The following HIPK1 variants were observed in gnomAD, a reference collection of about 807,000 sequenced individuals.
HIPK1 encodes homeodomain-interacting protein kinase 1.
A neutral mutation model predicts 117.1 loss-of-function variants in HIPK1; 28 were observed. The observed-to-expected ratio is 0.24, with a 90% CI of 0.18 to 0.33. The LOEUF (loss-of-function observed/expected upper bound fraction) is 0.33. Ranked by LOEUF, HIPK1 falls within the 10% of genes least tolerant of loss-of-function variation. HIPK1 has a pLI of 1.00. For synonymous variants in HIPK1, 605 were observed against 562.5 expected (o/e 1.08, Z -1.07); for missense variants, 1,122 against 1,475.1 (o/e 0.76, Z 3.92).
chr1:113,968,515 T>A lies in HIPK1; in HGVS notation c.2638T>A (p.Tyr880Asn). ...CAGTCCCCTCCGCACCACATCTTCTTATAATTCCTTGGTCCCTGTCCAAGA... is the reference window on the plus strand; with the variant it reads ...CAGTCCCCTCCGCACCACATCTTCTAATAATTCCTTGGTCCCTGTCCAAGA... The part of the protein sequence containing the change: ...GSSPLRTTSS[Y>N]NSLVPVQDQH... Residue 880 changes from tyrosine to asparagine, a missense_variant, in exon 13 of 16, where the codon TAT (tyrosine) becomes AAT (asparagine). This residue lies in a region of HIPK1 where 731 missense variants were observed against 860.4 expected (regional missense o/e 0.85). Transcript: ENST00000426820. 1.9e-6 allele frequency: 3 copies of A among 1,614,118 alleles called. No homozygotes were observed. The highest frequency in any genetic ancestry group is 2.5e-6 in the Non-Finnish European group (3 of 1,179,950).
At chr1:113,971,328 C>T (rs1672808573) in intron 14 of HIPK1, among the ~76,000 whole-genome samples, 1 of 152,208 alleles carries the variant, frequency 6.6e-6, no homozygotes, top group Non-Finnish European at 1.5e-5. Flanking sequence ...AACACAGAAG[C>T]AAGCAAAATT....
intron 1 of HIPK1, among the ~76,000 whole-genome samples, chr1:113,931,206 ACTATTACTAGC>A (rs1669874112): frequency 6.6e-6 from 1 of 150,564 alleles, no homozygotes; most frequent in Non-Finnish European, 1.5e-5. Context: ...GAGAATGCAA[ACTATTACTAGC>A]TTTTTTCATA....
intron 8 of HIPK1, among the ~76,000 whole-genome samples, chr1:113,961,100 A>G (rs1030525601): frequency 3.3e-5 from 5 of 152,232 alleles, no homozygotes; most frequent in African/African-American, 1.2e-4. Flanking sequence ...GCAAGTTTCG[A>G]TAAAGTACAG....
intron 2 of HIPK1, among the ~76,000 whole-genome samples, chr1:113,947,770 AG>A (rs1195504998): frequency 1.3e-5 from 2 of 152,326 alleles, no homozygotes; most frequent in East Asian, 1.9e-4. Flanking sequence ...TTGTTTTTTA[AG>A]GATGGGATGT....
At chr1:113,966,094 C>G in intron 10 of HIPK1, 36 bp from the exon 11 acceptor site, 1 of 1,580,842 alleles carries the variant, frequency 6.3e-7, no homozygotes, top group Non-Finnish European at 8.6e-7. Flanking sequence ...AAGAATGAAT[C>G]AAGTCTGGAT....
rs544409801 is a variant in HIPK1, at chr1:113,971,858, A to C, written c.3048A>C (p.Ser1016=). Residue 1016 remains serine (S), a synonymous_variant, in exon 15 of 16, where the codon TCA becomes TCC. Coordinates refer to ENST00000426820, the MANE Select transcript of HIPK1 (RefSeq NM_198268.3). The part of the protein sequence containing the change: ...LLSNKTKPVA[S]VSGQSSGCCI... Reference sequence around the variant, plus strand: ...GCAATAAGACTAAGCCAGTCGCTTCAGTGAGTGGGCAGTCATCTGGATGCT... The same window carrying C: ...GCAATAAGACTAAGCCAGTCGCTTCCGTGAGTGGGCAGTCATCTGGATGCT... 6.3e-7 allele frequency: 1 copy of C among 1,599,206 alleles called. No individual in the cohort carries two copies. Among genetic ancestry groups the C allele is most frequent in the Non-Finnish European group, 8.5e-7 (1 of 1,175,414 alleles).
chr1:113,937,452 G>T (rs1276133784), intron 1 of HIPK1, among the ~76,000 whole-genome samples: 1 of 151,960 alleles, frequency 6.6e-6, no homozygotes, highest in Non-Finnish European at 1.5e-5. Context: ...AGATAAAAAG[G>T]AGGGAAGACA....
chr1:113,946,313 C>G (rs1670991326), intron 2 of HIPK1, among the ~76,000 whole-genome samples: 1 of 152,166 alleles, frequency 6.6e-6, no homozygotes, highest in Non-Finnish European at 1.5e-5. Flanking sequence ...GAGGGCTGAT[C>G]AGCTCTTCCT....
intron 10 of HIPK1, among the ~76,000 whole-genome samples, chr1:113,964,926 ATT>A (rs993174082): frequency 6.6e-6 from 1 of 152,212 alleles, no homozygotes; most frequent in African/African-American, 2.4e-5. Context: ...TCTGCCTCAC[ATT>A]GGAATGTTAT....
rs1673094490 is a variant in HIPK1, at chr1:113,975,495, T to G, written c.*1983T>G. 1 of 152,786 alleles carries G rather than the reference T, an allele frequency of 6.5e-6. No individual in the cohort carries two copies. The highest frequency in any genetic ancestry group is 1.5e-5 in the Non-Finnish European group (1 of 68,040). 9.5% of individuals were successfully genotyped at this position (152,786 alleles called of 1,614,324 possible). A position where few individuals can be genotyped will look rare whatever the true frequency, so the allele number is the denominator to read the frequency against. On this transcript the variant is annotated 3_prime_UTR_variant, in exon 16 of 16. Coordinates refer to ENST00000426820, the MANE Select transcript of HIPK1 (RefSeq NM_198268.3). ...ATTAAATATGCATTCTTTTAAAGTA[T>G]GTGCAATCACTTTTAGAATGAATTT... is the stretch of plus-strand genomic sequence containing the variant.
In HIPK1 at chr1:113,968,443, T is replaced by A. The variant is rs1336870253; in HGVS notation, c.2566T>A (p.Ser856Thr). The A allele has an allele frequency of 6.2e-7, 1 of 1,610,748 alleles. No individual in the cohort carries two copies. Residue 856 changes from serine (S) to threonine (T), a missense_variant and splice_region_variant, in exon 13 of 16, where the codon TCC becomes ACC. This residue lies in a region of HIPK1 where 731 missense variants were observed against 860.4 expected (regional missense o/e 0.85). Coordinates refer to ENST00000426820, the MANE Select transcript of HIPK1 (RefSeq NM_198268.3). ...NKQSAPVSSK[S>T]SLDVLPSQVY... ...TTTCCATGTGAACTTTTCCTACAGGTCCTCTCTAGATGTTCTGCCTTCCCA... is the reference window on the plus strand; with the variant it reads ...TTTCCATGTGAACTTTTCCTACAGGACCTCTCTAGATGTTCTGCCTTCCCA...
At position 113,934,945 on chromosome 1, in the gene HIPK1, C is replaced by T. The variant is rs374306585; in HGVS notation, c.-3+5413C>T. Among the ~76,000 whole-genome samples the T allele has an allele frequency of 2.9e-5, 4 of 140,206 alleles. No individual in the cohort carries two copies. The South Asian group carries it at 8.9e-4, about 31-fold the overall frequency. 92.0% of individuals were successfully genotyped at this position (140,206 alleles called of 152,430 possible). On this transcript the variant is annotated intron_variant, in intron 1 of 15. Coordinates refer to ENST00000426820, the MANE Select transcript of HIPK1 (RefSeq NM_198268.3). The stretch of plus-strand genomic sequence containing the variant: ...TCGAGGATACAGTGAGCTGTGATCA[C>T]ACCACTGCATTTCAGCCTCACTGAC...
Position 113,929,434 on chromosome 1 carries a change from T to C in HIPK1, c.-101T>C, listed in dbSNP as rs1381216280. On this transcript the variant is annotated 5_prime_UTR_variant, in exon 1 of 16. Transcript: ENST00000426820. Reference sequence around the variant, plus strand: ...GGCCCCGCACTCGATCCACGCTGGCTCCCTACGGAGGCCCACCTACTCGAG... The same window carrying C: ...GGCCCCGCACTCGATCCACGCTGGCCCCCTACGGAGGCCCACCTACTCGAG... 1 of 1,289,298 alleles carries C rather than the reference T, an allele frequency of 7.8e-7. No homozygotes were observed. The highest frequency in any genetic ancestry group is 1.5e-5 in the African/African-American group (1 of 65,918). The allele number at this position is 1,289,298 out of a possible 1,614,324, so 79.9% of individuals were successfully genotyped here. A position where few individuals can be genotyped will look rare whatever the true frequency, so the allele number is the denominator to read the frequency against.
At position 113,973,558 on chromosome 1, in the gene HIPK1, C is replaced by A; in HGVS notation, c.*46C>A. The A allele has an allele frequency of 6.5e-7, 1 of 1,534,630 alleles. No homozygotes were observed. The highest frequency in any genetic ancestry group is 8.8e-7 in the Non-Finnish European group (1 of 1,139,030). On this transcript the variant is annotated 3_prime_UTR_variant, in exon 16 of 16. Coordinates refer to ENST00000426820, the MANE Select transcript of HIPK1 (RefSeq NM_198268.3). ...GGAATCATGGCTACCTTCTCCTGGC[C>A]CTGCGTTCTTAATATTGGGCTATGG...
chr1:113,929,456 C>A lies in HIPK1; in HGVS notation c.-79C>A, dbSNP rs1283803959. 26 of 1,289,282 alleles carry A rather than the reference C, an allele frequency of 2.0e-5. No homozygotes were observed. The highest frequency in any genetic ancestry group is 2.5e-5 in the Non-Finnish European group (25 of 988,862). 79.9% of individuals were successfully genotyped at this position (1,289,282 alleles called of 1,614,324 possible). A position where few individuals can be genotyped will look rare whatever the true frequency, so the allele number is the denominator to read the frequency against. On this transcript the variant is annotated 5_prime_UTR_variant, in exon 1 of 16. Transcript: ENST00000426820. ...GGCTCCCTACGGAGGCCCACCTACT[C>A]GAGGCCCACCGACTCCTACTGCAAT...
chr1:113,939,034 A>G (rs1195118768), intron 1 of HIPK1, among the ~76,000 whole-genome samples: 1 of 152,024 alleles, frequency 6.6e-6, no homozygotes, highest in Non-Finnish European at 1.5e-5. Context: ...CCAGGATAAT[A>G]GTATTAAATA....
intron 10 of HIPK1, among the ~76,000 whole-genome samples, 176 bp from the exon 11 acceptor site, chr1:113,965,954 C>T (rs1226966096): frequency 1.3e-5 from 2 of 152,150 alleles, no homozygotes; most frequent in East Asian, 1.9e-4. Context: ...TGTTTTCTTT[C>T]CCCATTCATA....
chr1:113,956,520 T>C, intron 5 of HIPK1, 107 bp from the exon 6 acceptor site: 1 of 623,712 alleles, frequency 1.6e-6, no homozygotes, highest in Non-Finnish European at 2.5e-6. Flanking sequence ...CAGGTTTCTC[T>C]TTTGATTACA....
chr1:113,957,414 A>T, intron 7 of HIPK1, 128 bp downstream of exon 7: 1 of 698,606 alleles, frequency 1.4e-6, no homozygotes, highest in Non-Finnish European at 2.4e-6. Context: ...TCCACTTGAC[A>T]AAAGTTGATG....
Sources: gnomAD v4.1 joint callset for allele counts (sites outside exome capture counted in the v4.1 genomes callset) on GRCh38, gnomAD v4.1.1 for gene constraint, gnomAD v4.1.1 regional missense constraint, MANE v1.5 for transcripts, NCBI Gene and HGNC (gene_info 2026-07-23, HGNC 2026-07-21) for gene names.